PUDP: variants seen among roughly 807,000 people sequenced by gnomAD.
The protein encoded by PUDP is pseudouridine-5'-phosphatase.
A neutral mutation model predicts 9.4 loss-of-function variants in PUDP; 8 were observed. The ratio of observed to expected loss-of-function variants is 0.85; its 90% CI spans 0.50 to 1.53. The LOEUF (loss-of-function observed/expected upper bound fraction) is 1.53, where lower values mean the gene tolerates loss of function less well. Among genes scored for constraint, PUDP ranks in the 40% most tolerant of loss-of-function variants. PUDP has a pLI of 0.00. For synonymous variants in PUDP, 99 were observed against 80.7 expected, an observed-to-expected ratio of 1.23 and a Z score of -1.22; for missense variants, 188 against 189.7, an observed-to-expected ratio of 0.99 and a Z score of 0.05.
intron 1 of PUDP, among the ~76,000 whole-genome samples, chrX:7,142,544 A>T (rs183089651): frequency 9.0e-6 from 1 of 111,383 alleles, no homozygotes; most frequent in South Asian, 3.8e-4. Flanking sequence ...TCTGGTGAAG[A>T]TGTTGTTGAA....
intron 3 of PUDP, among the ~76,000 whole-genome samples, chrX:6,921,297 C>A (rs956827143): frequency 9.1e-6 from 1 of 110,210 alleles, no homozygotes; most frequent in Non-Finnish European, 1.9e-5. Context: ...GCAGGAGGGT[C>A]ACTTGAGACC....
chrX:6,802,381 A>G (rs1303120579), intron 3 of PUDP, among the ~76,000 whole-genome samples: 1 of 111,448 alleles, frequency 9.0e-6, no homozygotes, highest in Non-Finnish European at 1.9e-5. Flanking sequence ...ATGCCGGCCA[A>G]TGGGAAAGAT....
intron 1 of PUDP, among the ~76,000 whole-genome samples, chrX:6,993,666 G>T (rs781270715): frequency 2.1e-4 from 24 of 112,229 alleles, no homozygotes; most frequent in African/African-American, 7.4e-4. Flanking sequence ...TAGCCACATA[G>T]AATTATATAC....
intron 3 of PUDP, among the ~76,000 whole-genome samples, chrX:6,965,295 G>GACCA (rs10626217): frequency 0.23 from 23,470 of 101,186 alleles, 1,951 homozygotes; most frequent in Admixed American, 0.38. Context: ...TTTAAACACT[G>GACCA]GAGAGGAGAA....
At chrX:7,120,321 G>A (rs2146914423) in intron 1 of PUDP, among the ~76,000 whole-genome samples, 1 of 110,742 alleles carries the variant, frequency 9.0e-6, no homozygotes, top group East Asian at 2.8e-4. Flanking sequence ...TATAAGAGGC[G>A]GCCAGGAGGG....
At chrX:7,029,138 G>A (rs2146825281) in intron 1 of PUDP, among the ~76,000 whole-genome samples, 1 of 112,034 alleles carries the variant, frequency 8.9e-6, no homozygotes, top group African/African-American at 3.2e-5. Context: ...ATTTAAACAC[G>A]GACCTGTTTT....
chrX:7,033,993 C>A (rs1321470459), intron 1 of PUDP, among the ~76,000 whole-genome samples: 1 of 112,030 alleles, frequency 8.9e-6, no homozygotes, highest in African/African-American at 3.3e-5. Flanking sequence ...ATGTCTATGA[C>A]CCACCCAAGC....
chrX:6,830,890 C>T (rs957103436), intron 3 of PUDP, among the ~76,000 whole-genome samples: 1 of 112,237 alleles, frequency 8.9e-6, no homozygotes, highest in African/African-American at 3.2e-5. Context: ...GCCAATTTAT[C>T]AAGACAGGGC....
At chrX:6,812,999 T>A (rs1926168726) in intron 3 of PUDP, among the ~76,000 whole-genome samples, 1 of 110,664 alleles carries the variant, frequency 9.0e-6, no homozygotes, top group Non-Finnish European at 1.9e-5. Flanking sequence ...GAGGCTCAAG[T>A]GGGAGGTTCG....
chrX:6,865,550 A>G (rs1927066783), intron 3 of PUDP, among the ~76,000 whole-genome samples: 1 of 112,405 alleles, frequency 8.9e-6, no homozygotes, highest in Admixed American at 9.5e-5. Flanking sequence ...CATTAGCAAC[A>G]TCTCTAGAGC....
intron 3 of PUDP, among the ~76,000 whole-genome samples, chrX:7,062,804 C>G (rs996085776): frequency 3.6e-5 from 4 of 109,650 alleles, no homozygotes; most frequent in African/African-American, 1.3e-4. Context: ...CCAAGAAACT[C>G]TGACCATTGT....
At chrX:6,854,465 T>C (rs910896817) in intron 3 of PUDP, among the ~76,000 whole-genome samples, 5 of 112,053 alleles carry the variant, frequency 4.5e-5, no homozygotes, top group Admixed American at 1.9e-4. Context: ...CCTTTCTAAA[T>C]AGAGCTGACC....
chrX:6,806,911 G>T (rs1926059501), intron 3 of PUDP, among the ~76,000 whole-genome samples: 1 of 112,340 alleles, frequency 8.9e-6, no homozygotes, highest in African/African-American at 3.2e-5. Flanking sequence ...AGAGAGATAT[G>T]AATATAGAAT....
chrX:7,033,911 C>T (rs781592470), intron 1 of PUDP, among the ~76,000 whole-genome samples: 1 of 111,686 alleles, frequency 9.0e-6, no homozygotes, highest in East Asian at 2.8e-4. Flanking sequence ...CAATACAGCA[C>T]AATAGCATGA....
chrX:7,111,065 C>T (rs1287967929), intron 1 of PUDP, among the ~76,000 whole-genome samples: 2 of 110,865 alleles, frequency 1.8e-5, no homozygotes, highest in Non-Finnish European at 3.8e-5. Context: ...GGTGGTTTCC[C>T]CCATGCTGTT....
intron 3 of PUDP, among the ~76,000 whole-genome samples, chrX:6,781,539 A>AAGGTATGTTT (rs1925562960): frequency 8.9e-6 from 1 of 112,130 alleles, no homozygotes; most frequent in Non-Finnish European, 1.9e-5. Context: ...CTGAAGGATC[A>AAGGTATGTTT]AAGGTATGTT....
At chrX:6,905,731 C>T (rs2146754610) in intron 3 of PUDP, among the ~76,000 whole-genome samples, 1 of 111,446 alleles carries the variant, frequency 9.0e-6, no homozygotes, top group Non-Finnish European at 1.9e-5. Context: ...TAGCGATCAG[C>T]CCAGAGACTT....
At chrX:7,014,302 T>A (rs1285633311) in intron 1 of PUDP, among the ~76,000 whole-genome samples, 1 of 110,178 alleles carries the variant, frequency 9.1e-6, no homozygotes. Flanking sequence ...GTCTCCAGGC[T>A]TGAGGGTGGG....
intron 3 of PUDP, among the ~76,000 whole-genome samples, chrX:6,928,177 C>T: frequency 9.0e-6 from 1 of 111,000 alleles, no homozygotes; most frequent in Non-Finnish European, 1.9e-5. Context: ...AAGTGATCCA[C>T]CACCCCGGCC....
Sources: gnomAD v4.1 joint callset for allele counts (sites outside exome capture counted in the v4.1 genomes callset) on GRCh38, gnomAD v4.1.1 for gene constraint, MANE v1.5 for transcripts, NCBI Gene and HGNC (gene_info 2026-07-23, HGNC 2026-07-21) for gene names.